Variants in MALRD1 observed in about 807,000 individuals in gnomAD.
MALRD1 encodes the protein MAM and LDL-receptor class A domain-containing protein 1.
MALRD1 carries 247 observed loss-of-function variants against 242.1 expected under a neutral mutation model. That is an observed-to-expected ratio of 1.02 (90% CI 0.92 to 1.13). The LOEUF is 1.13. Ranked by LOEUF, MALRD1 falls within the 50% of genes most tolerant of loss-of-function variation. The probability of loss-of-function intolerance (pLI) is 0.00; values close to 1 mark genes in which losing one functional copy is unlikely to be tolerated. For synonymous variants in MALRD1, 995 were observed against 866.6 expected (o/e 1.15, Z -2.60); for missense variants, 2,989 against 2,533.1 (o/e 1.18, Z -3.86).
intron 34 of MALRD1, among the ~76,000 whole-genome samples, chr10:19,604,214 A>C (rs1202693085): frequency 6.6e-6 from 1 of 152,178 alleles, no homozygotes; most frequent in East Asian, 1.9e-4. Context: ...ATAGGAAAGC[A>C]AAACAGCCTT....
intron 18 of MALRD1, among the ~76,000 whole-genome samples, chr10:19,216,096 C>CTTCTTTCT (rs200642954): frequency 3.5e-5 from 5 of 142,982 alleles, no homozygotes; most frequent in Admixed American, 7.3e-5. Flanking sequence ...TCTTTTTCTA[C>CTTCTTTCT]TTCTTTCTTT....
chr10:19,113,306 C>A (rs1289644569), intron 5 of MALRD1, among the ~76,000 whole-genome samples: 1 of 152,160 alleles, frequency 6.6e-6, no homozygotes, highest in Non-Finnish European at 1.5e-5. Flanking sequence ...TCCTCCTTCA[C>A]AATTCCCCCA....
chr10:19,564,828 G>T (rs1836180325), intron 32 of MALRD1, among the ~76,000 whole-genome samples: 1 of 152,036 alleles, frequency 6.6e-6, no homozygotes, highest in Non-Finnish European at 1.5e-5. Context: ...TTATCACAAA[G>T]ACACCCTCAG....
chr10:19,290,159 A>C (rs1015267562), intron 21 of MALRD1: 2 of 152,126 alleles, frequency 1.3e-5, no homozygotes, highest in Non-Finnish European at 2.9e-5. Flanking sequence ...CTGATATTCT[A>C]CTTTTTTTTG....
At chr10:19,341,464 GTATATA>G (rs1188354981) in intron 24 of MALRD1, among the ~76,000 whole-genome samples, 8 of 104,224 alleles carry the variant, frequency 7.7e-5, no homozygotes, top group African/African-American at 2.1e-4. Context: ...GTATATATAT[GTATATA>G]TGTATATATA....
At chr10:19,606,841 C>CT (rs1169899672) in intron 34 of MALRD1, among the ~76,000 whole-genome samples, 2 of 152,102 alleles carry the variant, frequency 1.3e-5, no homozygotes, top group African/African-American at 2.4e-5. Context: ...CCATTTAACT[C>CT]TAACACATAA....
At chr10:19,667,982 A>G (rs1841750612) in intron 36 of MALRD1, among the ~76,000 whole-genome samples, 1 of 152,100 alleles carries the variant, frequency 6.6e-6, no homozygotes, top group Admixed American at 6.5e-5. Flanking sequence ...CTGTGTCTTC[A>G]CATGATGGAA....
At chr10:19,341,362 T>A (rs1843842274) in intron 24 of MALRD1, among the ~76,000 whole-genome samples, 1 of 151,360 alleles carries the variant, frequency 6.6e-6, no homozygotes, top group Non-Finnish European at 1.5e-5. Flanking sequence ...CATGTCCTGT[T>A]GTGGAGTTTC....
chr10:19,142,529 T>C (rs569119268), intron 10 of MALRD1, among the ~76,000 whole-genome samples: 66 of 152,328 alleles, frequency 4.3e-4, no homozygotes, highest in African/African-American at 1.5e-3. Flanking sequence ...GAGAAAGCTT[T>C]GTCATAATCT....
intron 28 of MALRD1, among the ~76,000 whole-genome samples, chr10:19,395,817 C>T (rs1262171636): frequency 6.6e-6 from 1 of 152,120 alleles, no homozygotes; most frequent in Non-Finnish European, 1.5e-5. Flanking sequence ...TTCTTTTAAA[C>T]TTCTTCTGTT....
intron 21 of MALRD1, among the ~76,000 whole-genome samples, chr10:19,287,130 G>T (rs1841165714): frequency 1.3e-5 from 2 of 152,188 alleles, no homozygotes; most frequent in South Asian, 4.1e-4. Context: ...TAGTCTAAAA[G>T]TGTCAAAGAG....
chr10:19,287,546 CT>C (rs949776878), intron 21 of MALRD1, among the ~76,000 whole-genome samples: 2 of 152,074 alleles, frequency 1.3e-5, no homozygotes, highest in Admixed American at 6.6e-5. Context: ...GTTTTCTTAT[CT>C]TTTTTTCTGT....
chr10:19,060,957 T>C (rs1834806019), intron 1 of MALRD1, among the ~76,000 whole-genome samples: 1 of 152,216 alleles, frequency 6.6e-6, no homozygotes, highest in Non-Finnish European at 1.5e-5. Flanking sequence ...AATGTGATCA[T>C]GTCCTTTTCA....
chr10:19,267,416 C>T (rs1410488008), intron 19 of MALRD1, among the ~76,000 whole-genome samples: 1 of 152,050 alleles, frequency 6.6e-6, no homozygotes, highest in Non-Finnish European at 1.5e-5. Context: ...CTCCCCCACC[C>T]CTCACACATT....
chr10:19,254,125 C>G (rs1235166094), intron 18 of MALRD1, among the ~76,000 whole-genome samples: 1 of 152,040 alleles, frequency 6.6e-6, no homozygotes, highest in Non-Finnish European at 1.5e-5. Context: ...ATTACCCAGT[C>G]TTAGGCAGTT....
At chr10:19,572,682 A>G (rs1836620294) in intron 33 of MALRD1, among the ~76,000 whole-genome samples, 1 of 152,242 alleles carries the variant, frequency 6.6e-6, no homozygotes, top group Non-Finnish European at 1.5e-5. Flanking sequence ...TAAGATGTAA[A>G]TTAACGGCAT....
chr10:19,291,379 G>C (rs1393515529), intron 21 of MALRD1: 1 of 151,974 alleles, frequency 6.6e-6, no homozygotes, highest in Non-Finnish European at 1.5e-5. Context: ...TAAAACCTTG[G>C]ATTAAAATCT....
intron 1 of MALRD1, among the ~76,000 whole-genome samples, chr10:19,054,117 A>T (rs58541891): frequency 1.3e-5 from 2 of 152,134 alleles, no homozygotes; most frequent in African/African-American, 2.4e-5. Flanking sequence ...TTTTAAAAAA[A>T]TTTTTAAATG....
chr10:19,291,476 G>A (rs1841420847), intron 21 of MALRD1: 1 of 152,070 alleles, frequency 6.6e-6, no homozygotes, highest in Admixed American at 6.6e-5. Flanking sequence ...CCAGGAAATT[G>A]AGGTTGTAGT....
Sources: gnomAD v4.1 joint callset for allele counts (sites outside exome capture counted in the v4.1 genomes callset) on GRCh38, gnomAD v4.1.1 for gene constraint, MANE v1.5 for transcripts, NCBI Gene and HGNC (gene_info 2026-07-23, HGNC 2026-07-21) for gene names.